Variants in SLIT3 observed in about 807,000 individuals in gnomAD.
The protein encoded by SLIT3 is slit guidance ligand 3, also known as slit homolog 3 protein.
In SLIT3, 68 loss-of-function variants were observed where a neutral mutation model predicts 184.0. That is an observed-to-expected ratio of 0.37 (90% CI 0.30 to 0.45). The LOEUF (loss-of-function observed/expected upper bound fraction) is 0.45. Ranked by LOEUF, SLIT3 falls within the 20% of genes least tolerant of loss-of-function variation. SLIT3 has a pLI of 1.00. For synonymous variants in SLIT3, 831 were observed against 828.6 expected, an observed-to-expected ratio of 1.00 and a Z score of -0.05; for missense variants, 1,707 against 2,026.0, an observed-to-expected ratio of 0.84 and a Z score of 3.02.
chr5:168,863,308 G>C (rs1437880269), intron 5 of SLIT3, among the ~76,000 whole-genome samples: 1 of 152,160 alleles, frequency 6.6e-6, no homozygotes, highest in Admixed American at 6.5e-5. Context: ...TGCTTAAGTA[G>C]ACAAAAGCGA....
intron 20 of SLIT3, among the ~76,000 whole-genome samples, chr5:168,728,908 A>C (rs1350420841): frequency 2.0e-5 from 3 of 150,596 alleles, no homozygotes; most frequent in African/African-American, 7.3e-5. Flanking sequence ...ACAGAGTTAG[A>C]CTCTGTCTCA....
intron 20 of SLIT3, among the ~76,000 whole-genome samples, chr5:168,732,148 A>G (rs982176778): frequency 5.0e-4 from 76 of 152,124 alleles, no homozygotes; most frequent in Non-Finnish European, 9.6e-4. Flanking sequence ...CTAAACACCA[A>G]TAACTATCTA....
At chr5:168,992,356 A>T (rs1755359447) in intron 4 of SLIT3, among the ~76,000 whole-genome samples, 1 of 152,254 alleles carries the variant, frequency 6.6e-6, no homozygotes, top group South Asian at 2.1e-4. Context: ...CCTCAACTAC[A>T]TCTGAAGGAG....
chr5:168,998,893 C>CTGTGTG (rs71575505), intron 4 of SLIT3, among the ~76,000 whole-genome samples: 1,516 of 143,266 alleles, frequency 0.011, 18 homozygotes, highest in African/African-American at 0.018. Flanking sequence ...ACCCAGAAAT[C>CTGTGTG]TGTGTGTGTG....
At chr5:168,940,330 T>G (rs1762290766) in intron 4 of SLIT3, among the ~76,000 whole-genome samples, 1 of 152,224 alleles carries the variant, frequency 6.6e-6, no homozygotes, top group Non-Finnish European at 1.5e-5. Context: ...TAGTTCTTTG[T>G]GCAGTGTGGT....
intron 7 of SLIT3, 42 bp downstream of exon 7, chr5:168,823,218 G>A (rs377293747): frequency 6.7e-7 from 1 of 1,502,700 alleles, no homozygotes; most frequent in Non-Finnish European, 9.3e-7. Context: ...TTGGGCGTGA[G>A]GTAGGGAGAA....
chr5:169,039,123 T>C (rs887785712), intron 4 of SLIT3, among the ~76,000 whole-genome samples: 3 of 152,130 alleles, frequency 2.0e-5, no homozygotes, highest in African/African-American at 7.2e-5. Context: ...TATGTATACA[T>C]GTGCCATATT....
chr5:168,669,706 C>A, intron 35 of SLIT3, 77 bp downstream of exon 35: 1 of 1,214,118 alleles, frequency 8.2e-7, no homozygotes, highest in Non-Finnish European at 1.2e-6. Flanking sequence ...ACAGCCAGAA[C>A]TGGAACTGAG....
intron 4 of SLIT3, among the ~76,000 whole-genome samples, chr5:168,894,882 T>C (rs757510224): frequency 2.2e-4 from 34 of 152,214 alleles, no homozygotes; most frequent in African/African-American, 8.0e-4. Flanking sequence ...CAGAAGGAGA[T>C]ACTTTAAGCA....
At chr5:168,984,784 T>C (rs1194391292) in intron 4 of SLIT3, among the ~76,000 whole-genome samples, 1 of 152,070 alleles carries the variant, frequency 6.6e-6, no homozygotes, top group Non-Finnish European at 1.5e-5. Flanking sequence ...ACAGGAAAAA[T>C]GGATACATCA....
chr5:168,745,261 C>T (rs1189029058), intron 20 of SLIT3, among the ~76,000 whole-genome samples: 1 of 152,174 alleles, frequency 6.6e-6, no homozygotes, highest in Non-Finnish European at 1.5e-5. Flanking sequence ...TAAGGAGTTG[C>T]TTCTTATAGA....
intron 3 of SLIT3, among the ~76,000 whole-genome samples, chr5:169,205,195 G>A (rs943717690): frequency 6.6e-6 from 1 of 152,196 alleles, no homozygotes; most frequent in Non-Finnish European, 1.5e-5. Flanking sequence ...AAGAACTCTT[G>A]GACAGGGCAT....
chr5:168,686,895 C>T (rs1761759473), intron 30 of SLIT3, 84 bp downstream of exon 30: 1 of 1,541,234 alleles, frequency 6.5e-7, no homozygotes, highest in Admixed American at 1.7e-5. Flanking sequence ...CCTGAGTCTC[C>T]ATTCTGGCCA....
intron 4 of SLIT3, among the ~76,000 whole-genome samples, chr5:168,940,287 CTA>C (rs1449467701): frequency 6.6e-6 from 1 of 152,130 alleles, no homozygotes; most frequent in African/African-American, 2.4e-5. Flanking sequence ...GATGGTGCTT[CTA>C]TAGTTTGTCA....
chr5:169,044,275 T>C (rs1757547268), intron 4 of SLIT3, among the ~76,000 whole-genome samples: 1 of 152,310 alleles, frequency 6.6e-6, no homozygotes, highest in South Asian at 2.1e-4. Context: ...GACCCAGTAA[T>C]CCTGCTCCTA....
At chr5:168,883,156 C>A in intron 5 of SLIT3, 109 bp downstream of exon 5, 1 of 781,142 alleles carries the variant, frequency 1.3e-6, no homozygotes, top group Non-Finnish European at 2.2e-6. Context: ...CCCTCAATTT[C>A]ATCTCTGAAG....
intron 1 of SLIT3, among the ~76,000 whole-genome samples, chr5:169,270,223 A>T (rs1428824990): frequency 6.6e-6 from 1 of 152,208 alleles, no homozygotes; most frequent in Non-Finnish European, 1.5e-5. Context: ...TCATTCAATC[A>T]GCGTTTATGA....
chr5:169,094,948 G>A (rs551286905), intron 4 of SLIT3, among the ~76,000 whole-genome samples: 11 of 152,204 alleles, frequency 7.2e-5, no homozygotes, highest in Admixed American at 3.9e-4. Flanking sequence ...ACAGCTTGCC[G>A]GCCCACCCCT....
chr5:168,788,373 G>A (rs974807925), intron 11 of SLIT3, among the ~76,000 whole-genome samples: 3 of 152,154 alleles, frequency 2.0e-5, no homozygotes, highest in African/African-American at 7.2e-5. Flanking sequence ...CTTCCCGGTG[G>A]GATGGGGCCA....
Sources: gnomAD v4.1 joint callset for allele counts (sites outside exome capture counted in the v4.1 genomes callset) on GRCh38, gnomAD v4.1.1 for gene constraint, MANE v1.5 for transcripts, NCBI Gene and HGNC (gene_info 2026-07-23, HGNC 2026-07-21) for gene names.